HCN1: variants seen among roughly 807,000 people sequenced by gnomAD.
HCN1 encodes the protein hyperpolarization activated cyclic nucleotide gated potassium channel 1, also known as potassium/sodium hyperpolarization-activated cyclic nucleotide-gated channel 1.
Under a neutral mutation model 78.9 loss-of-function variants are expected in HCN1, and 13 were observed. The observed-to-expected ratio is 0.16, with a 90% confidence interval of 0.11 to 0.26. The LOEUF (loss-of-function observed/expected upper bound fraction) is 0.26. HCN1 is among the 10% of genes least tolerant of loss of function. The pLI is 1.00. For missense variants in HCN1, 810 were observed against 1,154.3 expected, an observed-to-expected ratio of 0.70 and a Z score of 4.32; for synonymous variants, 552 against 455.5, an observed-to-expected ratio of 1.21 and a Z score of -2.70.
intron 5 of HCN1, among the ~76,000 whole-genome samples, chr5:45,344,017 TA>T (rs1242606493): frequency 6.6e-6 from 1 of 152,134 alleles, no homozygotes; most frequent in Non-Finnish European, 1.5e-5. Flanking sequence ...CCGAGTAATT[TA>T]TAAACAAAAG....
Position 45,374,011 on chromosome 5 carries a change from AATATATATT to A in HCN1, c.1231-20774_1231-20766del, listed in dbSNP as rs1319498752. Among the ~76,000 whole-genome samples, 39 of 98,654 alleles carry A rather than the reference AATATATATT, an allele frequency of 4.0e-4. 1 individual carries two copies. The highest frequency in any genetic ancestry group is 1.3e-3 in the African/African-American group (31 of 24,052). 64.7% of individuals were successfully genotyped at this position (98,654 alleles called of 152,430 possible). ...TATATATAATATATATTATATACATAATATATATTATATATATTATATACATAATATATA... is the reference window on the plus strand; with the variant it reads ...TATATATAATATATATTATATACATAATATATATTATATACATAATATATA... On this transcript the variant is annotated intron_variant, in intron 4 of 7. Transcript: ENST00000303230.
chr5:45,458,949 A>C (rs1165582050), intron 3 of HCN1, among the ~76,000 whole-genome samples: 1 of 152,134 alleles, frequency 6.6e-6, no homozygotes, highest in Admixed American at 6.6e-5. Flanking sequence ...TTGTGCATAA[A>C]TATACTTTGC....
chr5:45,479,712 A>G (rs984558517), intron 2 of HCN1, among the ~76,000 whole-genome samples: 1 of 152,226 alleles, frequency 6.6e-6, no homozygotes, highest in Non-Finnish European at 1.5e-5. Flanking sequence ...AAGAGGAAGA[A>G]GAACAGGATT....
intron 2 of HCN1, among the ~76,000 whole-genome samples, chr5:45,593,833 TCTGG>T (rs1042225876): frequency 2.0e-5 from 3 of 151,864 alleles, no homozygotes; most frequent in African/African-American, 7.2e-5. Flanking sequence ...TGCCACCACA[TCTGG>T]CTATTGTTTT....
At chr5:45,482,605 G>GT (rs754593380) in intron 2 of HCN1, among the ~76,000 whole-genome samples, 89 of 152,026 alleles carry the variant, frequency 5.9e-4, no homozygotes, top group Non-Finnish European at 8.2e-4. Flanking sequence ...AAGCTGTATT[G>GT]TTTTTTTAAA....
chr5:45,421,244 A>G (rs1253580753), intron 3 of HCN1, among the ~76,000 whole-genome samples: 1 of 151,956 alleles, frequency 6.6e-6, no homozygotes, highest in Non-Finnish European at 1.5e-5. Flanking sequence ...TTGTATTTTT[A>G]GTAGAGACTG....
intron 2 of HCN1, among the ~76,000 whole-genome samples, chr5:45,486,770 A>T: frequency 6.6e-6 from 1 of 152,140 alleles, no homozygotes; most frequent in Non-Finnish European, 1.5e-5. Context: ...GTATAATATC[A>T]CAAGAAAAGA....
chr5:45,490,281 T>C lies in HCN1; in HGVS notation c.850-28274A>G, dbSNP rs188847211. Among the ~76,000 whole-genome samples the C allele has an allele frequency of 2.7e-3, 405 of 152,268 alleles. 1 individual carries two copies. The highest frequency in any genetic ancestry group is 9.0e-3 in the African/African-American group (374 of 41,554). On this transcript the variant is annotated intron_variant, in intron 2 of 7. Transcript: ENST00000303230. ...TCAGATCATGATGAGATTGGATTGT[T>C]TTCCTGAAAGAAACAGATACCAAAG... is the stretch of plus-strand genomic sequence containing the variant.
At chr5:45,300,266 A>G (rs190375116) in intron 6 of HCN1, among the ~76,000 whole-genome samples, 116 of 152,112 alleles carry the variant, frequency 7.6e-4, no homozygotes, top group Middle Eastern at 3.4e-3. Flanking sequence ...TTTATCCCCA[A>G]ACCTGGCCTA....
chr5:45,505,278 A>C (rs921073498), intron 2 of HCN1, among the ~76,000 whole-genome samples: 3 of 152,058 alleles, frequency 2.0e-5, no homozygotes, highest in Admixed American at 6.6e-5. Flanking sequence ...TAATTTTTGT[A>C]TAAGGTGTAA....
At chr5:45,440,956 T>G (rs1402590397) in intron 3 of HCN1, among the ~76,000 whole-genome samples, 1 of 152,178 alleles carries the variant, frequency 6.6e-6, no homozygotes, top group African/African-American at 2.4e-5. Context: ...TGTTCTTCTC[T>G]CTCACTCCAC....
intron 2 of HCN1, among the ~76,000 whole-genome samples, chr5:45,532,110 C>T (rs1742865885): frequency 6.6e-6 from 1 of 152,172 alleles, no homozygotes; most frequent in Non-Finnish European, 1.5e-5. Context: ...TAATCTTTCT[C>T]TCCCCTATGT....
intron 2 of HCN1, among the ~76,000 whole-genome samples, chr5:45,628,185 T>G (rs1209451051): frequency 6.6e-6 from 1 of 152,114 alleles, no homozygotes; most frequent in Non-Finnish European, 1.5e-5. Context: ...TCTCTTGGTG[T>G]GATAAAAATT....
chr5:45,398,498 G>T (rs1437185870), intron 3 of HCN1, among the ~76,000 whole-genome samples: 1 of 152,110 alleles, frequency 6.6e-6, no homozygotes, highest in Non-Finnish European at 1.5e-5. Flanking sequence ...GTAGGTTCAT[G>T]TATTTATTAC....
At chr5:45,586,486 C>G (rs1417359715) in intron 2 of HCN1, among the ~76,000 whole-genome samples, 1 of 152,160 alleles carries the variant, frequency 6.6e-6, no homozygotes, top group Non-Finnish European at 1.5e-5. Flanking sequence ...TGAGGCGATG[C>G]CTCACCCTAC....
At chr5:45,567,856 T>C (rs552527717) in intron 2 of HCN1, among the ~76,000 whole-genome samples, 1 of 149,486 alleles carries the variant, frequency 6.7e-6, no homozygotes, top group African/African-American at 2.4e-5. Context: ...TCTTAAAGGA[T>C]GTGCCTTTTG....
At chr5:45,531,057 TACAC>T (rs34789584) in intron 2 of HCN1, among the ~76,000 whole-genome samples, 38 of 144,244 alleles carry the variant, frequency 2.6e-4, no homozygotes, top group South Asian at 6.6e-4. Flanking sequence ...CTAACACACA[TACAC>T]ACACACACAC....
chr5:45,525,697 T>C lies in HCN1; in HGVS notation c.850-63690A>G, dbSNP rs549414139. Among the ~76,000 whole-genome samples, 3 of 152,146 alleles carry C rather than the reference T, an allele frequency of 2.0e-5. No individual in the cohort carries two copies. The East Asian group carries it at 5.8e-4, about 29-fold the overall frequency. On this transcript the variant is annotated intron_variant, in intron 2 of 7. Transcript: ENST00000303230. ...GGAGGATGAGAGAGAAAGTAATTGA[T>C]TTGCCCCAGTCTACAGAATTAGTCA...
chr5:45,444,903 G>A (rs1026025816), intron 3 of HCN1, among the ~76,000 whole-genome samples: 2 of 152,020 alleles, frequency 1.3e-5, no homozygotes, highest in Non-Finnish European at 1.5e-5. Context: ...TAGGGGAGGA[G>A]CCAAGATGGC....
Sources: gnomAD v4.1 joint callset for allele counts (sites outside exome capture counted in the v4.1 genomes callset) on GRCh38, gnomAD v4.1.1 for gene constraint, MANE v1.5 for transcripts, NCBI Gene and HGNC (gene_info 2026-07-23, HGNC 2026-07-21) for gene names.